Variants in AFF2 observed in about 807,000 individuals in gnomAD.
AFF2 encodes the protein ALF transcription elongation factor 2.
In AFF2, 14 loss-of-function variants were observed where a neutral mutation model predicts 76.9. The ratio of observed to expected loss-of-function variants is 0.18; its 90% CI spans 0.12 to 0.28. AFF2 has a LOEUF of 0.28. Among genes scored for constraint, AFF2 ranks in the 10% least tolerant of loss-of-function variants. AFF2 has a pLI of 1.00. For missense variants in AFF2, 868 were observed against 1,001.1 expected (o/e 0.87, Z 1.79); for synonymous variants, 398 against 366.7 (o/e 1.09, Z -0.98).
chrX:148,535,322 T>C (rs782041872), intron 1 of AFF2, among the ~76,000 whole-genome samples: 1 of 112,371 alleles, frequency 8.9e-6, no homozygotes, highest in African/African-American at 3.2e-5. Flanking sequence ...ACAGTTTTTT[T>C]TGGTATTAGT....
intron 9 of AFF2, among the ~76,000 whole-genome samples, chrX:148,949,994 C>T (rs782329239): frequency 1.8e-4 from 20 of 112,208 alleles, no homozygotes; most frequent in African/African-American, 6.1e-4. Flanking sequence ...AAATTAGTAA[C>T]GTATGAAAAT....
Position 148,648,562 on chromosome X carries a change from A to C in AFF2, c.48-3437A>C, listed in dbSNP as rs199826473. Among the ~76,000 whole-genome samples, 23 of 78,872 alleles carry C rather than the reference A, an allele frequency of 2.9e-4. No individual in the cohort carries two copies. In the East Asian group the frequency reaches 7.9e-3, roughly 27 times the overall value. The allele number at this position is 78,872 out of a possible 115,157, so 68.5% of individuals were successfully genotyped here. ...GGTCGACAAGAGGGAAAACTCCGTC[A>C]AAAAAAAAAAAAAAAAAAAAAAAGA... On this transcript the variant is annotated intron_variant, in intron 1 of 20. Transcript: ENST00000370460.
At chrX:148,624,561 G>A (rs2053903283) in intron 1 of AFF2, among the ~76,000 whole-genome samples, 1 of 111,972 alleles carries the variant, frequency 8.9e-6, no homozygotes, top group Non-Finnish European at 1.9e-5. Context: ...ATTGAACAAT[G>A]ATAATCAGAA....
In AFF2 at chrX:148,556,560, A is replaced by G. The variant is rs1444860431; in HGVS notation, c.47+55416A>G. 6.2e-5 allele frequency among the ~76,000 whole-genome samples: 7 copies of G among 112,344 alleles called. No homozygotes were observed. In the Admixed American group the frequency reaches 6.6e-4, roughly 11 times the overall value. On this transcript the variant is annotated intron_variant, in intron 1 of 20. Coordinates refer to ENST00000370460, the MANE Select transcript of AFF2 (RefSeq NM_002025.4). ...AAAAAGATATAATTTCAGAGAGGCT[A>G]TTCTCTTTAAGATTGCTGTTTTTCT...
At chrX:148,942,789 C>T (rs1219344310) in intron 9 of AFF2, among the ~76,000 whole-genome samples, 1 of 100,278 alleles carries the variant, frequency 1.0e-5, no homozygotes, top group Non-Finnish European at 2.0e-5. Flanking sequence ...GCACTCCAGC[C>T]CAGGCGATAG....
intron 3 of AFF2, among the ~76,000 whole-genome samples, chrX:148,711,817 G>T (rs915588479): frequency 5.3e-5 from 6 of 112,523 alleles, no homozygotes; most frequent in Non-Finnish European, 1.1e-4. Context: ...GGTAGTATGT[G>T]CTAGGCCCAT....
intron 1 of AFF2, among the ~76,000 whole-genome samples, chrX:148,555,892 A>C (rs911794180): frequency 3.6e-5 from 4 of 112,485 alleles, no homozygotes; most frequent in Admixed American, 9.4e-5. Flanking sequence ...TTCCTTCCAA[A>C]AGGAACCAGC....
intron 15 of AFF2, among the ~76,000 whole-genome samples, chrX:148,970,885 C>T (rs2072241864): frequency 8.9e-6 from 1 of 111,754 alleles, no homozygotes; most frequent in African/African-American, 3.3e-5. Context: ...GTCCATGAGA[C>T]TTCTAAAAAG....
intron 9 of AFF2, among the ~76,000 whole-genome samples, chrX:148,928,249 T>C (rs1163025065): frequency 8.9e-6 from 1 of 112,410 alleles, no homozygotes; most frequent in East Asian, 2.8e-4. Context: ...AGGTTCATAA[T>C]ATAACCATAC....
chrX:148,672,037 T>TA (rs199622909), intron 3 of AFF2, among the ~76,000 whole-genome samples: 2 of 111,696 alleles, frequency 1.8e-5, no homozygotes. Context: ...GAGCCAGTCA[T>TA]AAAAAAAGAC....
chrX:148,584,831 G>A (rs1371789300), intron 1 of AFF2, among the ~76,000 whole-genome samples: 1 of 111,210 alleles, frequency 9.0e-6, no homozygotes, highest in Non-Finnish European at 1.9e-5. Context: ...GAGCCACCAC[G>A]CCTGGCTGAA....
chrX:148,758,690 A>G (rs2069404743), intron 3 of AFF2, among the ~76,000 whole-genome samples: 1 of 111,885 alleles, frequency 8.9e-6, no homozygotes, highest in African/African-American at 3.2e-5. Context: ...TTTTGATTTA[A>G]CATTTCCCCT....
chrX:148,943,425 T>C (rs1163616635), intron 9 of AFF2, among the ~76,000 whole-genome samples: 1 of 111,909 alleles, frequency 8.9e-6, no homozygotes, highest in Non-Finnish European at 1.9e-5. Flanking sequence ...TTTTGAGTCT[T>C]ATTGCTTTCT....
chrX:148,580,117 A>C (rs782546787), intron 1 of AFF2, among the ~76,000 whole-genome samples: 1 of 111,845 alleles, frequency 8.9e-6, no homozygotes, highest in Non-Finnish European at 1.9e-5. Context: ...TTATAAACCA[A>C]GGTGCATCTG....
At position 148,956,435 on chromosome X, in the gene AFF2, A is replaced by G; in HGVS notation, c.2390A>G (p.Asn797Ser). The G allele has an allele frequency of 8.3e-7, 1 of 1,211,144 alleles. No homozygotes were observed. Among genetic ancestry groups the G allele is most frequent in the Non-Finnish European group, 1.1e-6 (1 of 895,296 alleles). Residue 797 changes from asparagine to serine, a missense_variant, in exon 11 of 21, where the codon AAC becomes AGC. Around this residue, in one of 6 missense-constraint regions of AFF2, gnomAD observed 532 missense variants for 564.2 expected, o/e 0.94. Coordinates refer to ENST00000370460, the MANE Select transcript of AFF2 (RefSeq NM_002025.4). Reference protein sequence around the residue: ...EILSPLRDHENLKNLWVKIDL... With the variant: ...EILSPLRDHESLKNLWVKIDL... ...CTGTCCCCTCTGCGAGATCATGAGAACCTGAAAAACCTCTGGGTGAAGATT... is the reference window on the plus strand; with the variant it reads ...CTGTCCCCTCTGCGAGATCATGAGAGCCTGAAAAACCTCTGGGTGAAGATT...
rs1316109737 is a variant in AFF2 at position 148,606,497 on chromosome X, A to AT, written c.48-45500dup. Among the ~76,000 whole-genome samples the AT allele has an allele frequency of 5.1e-4, 17 of 33,545 alleles. No homozygotes were observed. The East Asian group carries it at 0.026, about 52-fold the overall frequency. The allele number at this position is 33,545 out of a possible 115,157, so 29.1% of individuals were successfully genotyped here. ...TAAAGTCTAAAATTCTTTCAAAATA[A>AT]TTAAAAAAAAAAAGTCAAGTCAGCC... On this transcript the variant is annotated intron_variant, in intron 1 of 20. Coordinates refer to ENST00000370460, the MANE Select transcript of AFF2 (RefSeq NM_002025.4).
chrX:148,521,009 C>T (rs1019839780), intron 1 of AFF2, among the ~76,000 whole-genome samples: 1 of 112,205 alleles, frequency 8.9e-6, no homozygotes, highest in African/African-American at 3.2e-5. Flanking sequence ...AGCATAAAGA[C>T]GGCAGACATT....
At chrX:148,773,900 C>T (rs1217759625) in intron 3 of AFF2, among the ~76,000 whole-genome samples, 2 of 111,194 alleles carry the variant, frequency 1.8e-5, no homozygotes, top group Non-Finnish European at 3.8e-5. Context: ...ACAAGTTGTT[C>T]ATTTTGCAAA....
chrX:148,746,530 G>T (rs2124570014), intron 3 of AFF2, among the ~76,000 whole-genome samples: 1 of 112,288 alleles, frequency 8.9e-6, no homozygotes, highest in Non-Finnish European at 1.9e-5. Flanking sequence ...ATCTGTTGGA[G>T]CACATTAAAC....
Sources: gnomAD v4.1 joint callset for allele counts (sites outside exome capture counted in the v4.1 genomes callset) on GRCh38, gnomAD v4.1.1 for gene constraint, gnomAD v4.1.1 regional missense constraint, MANE v1.5 for transcripts, NCBI Gene and HGNC (gene_info 2026-07-23, HGNC 2026-07-21) for gene names.